ZRANB3: variants seen among roughly 807,000 people sequenced by gnomAD.
ZRANB3 encodes DNA annealing helicase and endonuclease ZRANB3.
In ZRANB3, 125 loss-of-function variants were observed where a neutral mutation model predicts 133.8. The observed-to-expected ratio is 0.93, with a 90% CI of 0.81 to 1.08. The LOEUF is 1.08. Among genes scored for constraint, ZRANB3 ranks in the 50% least tolerant of loss-of-function variants. ZRANB3 has a pLI of 0.00. For missense variants in ZRANB3, 1,229 were observed against 1,275.5 expected (o/e 0.96, Z 0.56); for synonymous variants, 387 against 432.7 (o/e 0.89, Z 1.31).
At chr2:135,376,253 G>A (rs1394172393) in intron 3 of ZRANB3, among the ~76,000 whole-genome samples, 1 of 152,174 alleles carries the variant, frequency 6.6e-6, no homozygotes, top group Admixed American at 6.5e-5. Context: ...CGAGCTATGA[G>A]AGTAAAAATT....
chr2:135,444,339 G>A lies in ZRANB3; in HGVS notation c.162-53519C>T, dbSNP rs955691654. Among the ~76,000 whole-genome samples the A allele has an allele frequency of 5.9e-5, 9 of 152,240 alleles. 1 individual carries two copies. In the South Asian group the frequency reaches 1.2e-3, roughly 21 times the overall value. On this transcript the variant is annotated intron_variant, in intron 2 of 20. Coordinates refer to ENST00000264159, the MANE Select transcript of ZRANB3 (RefSeq NM_032143.4). ...ATGGGAATGTTCATAACAGCTTTAT[G>A]CATAATAGCCCCAAAGTGGAAAAAT...
intron 12 of ZRANB3, among the ~76,000 whole-genome samples, chr2:135,260,232 T>C (rs922121617): frequency 2.0e-5 from 3 of 152,030 alleles, no homozygotes; most frequent in Admixed American, 1.3e-4. Flanking sequence ...AAAGCCAAAA[T>C]AGTACTTAGA....
chr2:135,399,079 A>G (rs1174650213), intron 2 of ZRANB3, among the ~76,000 whole-genome samples: 2 of 152,182 alleles, frequency 1.3e-5, no homozygotes, highest in Non-Finnish European at 2.9e-5. Flanking sequence ...TGGAGAAGAT[A>G]TGGGTTTTAA....
At chr2:135,340,053 T>A (rs181355983) in intron 6 of ZRANB3, among the ~76,000 whole-genome samples, 225 of 151,974 alleles carry the variant, frequency 1.5e-3, no homozygotes, top group African/African-American at 5.1e-3. Flanking sequence ...ATTTTATTCA[T>A]CTGGAATTTA....
At chr2:135,346,339 A>T (rs1182364662) in intron 5 of ZRANB3, among the ~76,000 whole-genome samples, 2 of 152,038 alleles carry the variant, frequency 1.3e-5, no homozygotes, top group Non-Finnish European at 2.9e-5. Flanking sequence ...TGACCTCATG[A>T]TCCACCCGCC....
intron 2 of ZRANB3, among the ~76,000 whole-genome samples, chr2:135,496,998 A>C (rs1692702154): frequency 6.6e-6 from 1 of 152,244 alleles, no homozygotes; most frequent in African/African-American, 2.4e-5. Flanking sequence ...AATTAACAGC[A>C]AAAGATAAAA....
chr2:135,358,623 T>C (rs1685541174), intron 3 of ZRANB3, among the ~76,000 whole-genome samples: 1 of 152,062 alleles, frequency 6.6e-6, no homozygotes, highest in Admixed American at 6.6e-5. Flanking sequence ...AAGTACCAAT[T>C]AAGAAATATG....
intron 2 of ZRANB3, among the ~76,000 whole-genome samples, chr2:135,464,562 C>T (rs922527914): frequency 1.3e-5 from 2 of 152,164 alleles, no homozygotes; most frequent in South Asian, 2.1e-4. Flanking sequence ...GGTACTCTGG[C>T]CTGGCAATAA....
chr2:135,268,867 C>T, intron 11 of ZRANB3, 95 bp downstream of exon 11: 1 of 1,207,768 alleles, frequency 8.3e-7, no homozygotes, highest in Non-Finnish European at 1.2e-6. Context: ...CTTAAGTATC[C>T]TTTGCCTGAA....
At chr2:135,426,866 ATATATATATATATATATAT>A (rs1689115306) in intron 2 of ZRANB3, among the ~76,000 whole-genome samples, 1 of 11,812 alleles carries the variant, frequency 8.5e-5, no homozygotes, top group African/African-American at 6.5e-4. Flanking sequence ...AAAAAAAAAT[ATATATATATATATATATAT>A]ATATATATAT....
chr2:135,328,766 G>C (rs944667185), intron 6 of ZRANB3, among the ~76,000 whole-genome samples: 1 of 152,336 alleles, frequency 6.6e-6, no homozygotes, highest in African/African-American at 2.4e-5. Context: ...TAACTGGTGT[G>C]AGATGGTATC....
chr2:135,272,313 T>A (rs1680555816), intron 9 of ZRANB3, among the ~76,000 whole-genome samples: 1 of 151,928 alleles, frequency 6.6e-6, no homozygotes, highest in Non-Finnish European at 1.5e-5. Flanking sequence ...CAGCCAGACA[T>A]GTGAGAAAAG....
intron 3 of ZRANB3, among the ~76,000 whole-genome samples, chr2:135,385,304 A>C (rs1044442843): frequency 3.3e-5 from 5 of 152,220 alleles, no homozygotes; most frequent in African/African-American, 1.2e-4. Context: ...GGACCTCTTC[A>C]AGGAGAACTA....
At chr2:135,408,056 A>G (rs968750716) in intron 2 of ZRANB3, among the ~76,000 whole-genome samples, 1 of 151,760 alleles carries the variant, frequency 6.6e-6, no homozygotes, top group African/African-American at 2.4e-5. Context: ...AATGGGAGAA[A>G]ATTTTTGCAA....
At chr2:135,521,885 G>A (rs769386321) in intron 1 of ZRANB3, among the ~76,000 whole-genome samples, 2 of 152,184 alleles carry the variant, frequency 1.3e-5, no homozygotes, top group Non-Finnish European at 2.9e-5. Flanking sequence ...TCTAGAGAGT[G>A]TGGGAAAGAC....
At chr2:135,413,953 G>A (rs924963742) in intron 2 of ZRANB3, among the ~76,000 whole-genome samples, 1 of 151,966 alleles carries the variant, frequency 6.6e-6, no homozygotes, top group Non-Finnish European at 1.5e-5. Flanking sequence ...GCTCCTGAAG[G>A]AAGCACTAAA....
chr2:135,367,078 A>G (rs1685973253), intron 3 of ZRANB3, among the ~76,000 whole-genome samples: 1 of 152,114 alleles, frequency 6.6e-6, no homozygotes, highest in African/African-American at 2.4e-5. Context: ...AATGATTTTT[A>G]CTCTAAAAAC....
intron 2 of ZRANB3, among the ~76,000 whole-genome samples, chr2:135,449,128 T>C (rs1690153976): frequency 6.6e-6 from 1 of 152,188 alleles, no homozygotes; most frequent in South Asian, 2.1e-4. Context: ...AACCATACTA[T>C]GAGGAACTAA....
At chr2:135,314,449 A>G (rs1683158867) in intron 7 of ZRANB3, among the ~76,000 whole-genome samples, 2 of 152,214 alleles carry the variant, frequency 1.3e-5, no homozygotes, top group African/African-American at 4.8e-5. Context: ...AGCTTTCAAG[A>G]TAACAATGAA....
Sources: allele counts gnomAD v4.1 joint callset (sites outside exome capture counted in the v4.1 genomes callset), GRCh38; gene constraint gnomAD v4.1.1; transcripts MANE v1.5; gene names NCBI Gene and HGNC (gene_info 2026-07-23, HGNC 2026-07-21).